Variants in MBOAT2 observed in about 807,000 individuals in gnomAD.
MBOAT2 encodes membrane bound glycerophospholipid O-acyltransferase 2, also known as membrane-bound glycerophospholipid O-acyltransferase 2.
A neutral mutation model predicts 63.4 loss-of-function variants in MBOAT2; 28 were observed. That is an observed-to-expected ratio of 0.44 (90% confidence interval 0.33 to 0.61). The LOEUF (loss-of-function observed/expected upper bound fraction) is 0.61, where lower values mean the gene tolerates loss of function less well. Among genes scored for constraint, MBOAT2 ranks in the 20% least tolerant of loss-of-function variants. The probability of loss-of-function intolerance (pLI) is 0.03; values close to 1 mark genes in which losing one functional copy is unlikely to be tolerated. For missense variants in MBOAT2, 470 were observed against 605.8 expected, an observed-to-expected ratio of 0.78 and a Z score of 2.35; for synonymous variants, 211 against 215.6, an observed-to-expected ratio of 0.98 and a Z score of 0.19.
intron 9 of MBOAT2, among the ~76,000 whole-genome samples, chr2:8,867,528 G>A (rs909597203): frequency 9.2e-5 from 14 of 152,136 alleles, no homozygotes; most frequent in African/African-American, 3.4e-4. Flanking sequence ...CACTAAGTCT[G>A]TGATTTGAAG....
At chr2:8,912,955 A>T (rs1298821112) in intron 3 of MBOAT2, among the ~76,000 whole-genome samples, 1 of 152,230 alleles carries the variant, frequency 6.6e-6, no homozygotes, top group Non-Finnish European at 1.5e-5. Flanking sequence ...CTATAAGGCC[A>T]TAGTCACAAA....
rs115812181 is a variant in MBOAT2, at chr2:8,955,813, A to C, written c.221+2684T>G. Among the ~76,000 whole-genome samples the C allele has an allele frequency of 2.8e-3, 434 of 152,318 alleles. 4 individuals carry two copies. The highest frequency in any genetic ancestry group is 0.01 in the African/African-American group (417 of 41,576). ...ACTTCATTGTTGCCTTATTTTTAGA[A>C]TTTGCCACAGCAACCCAAACCTTCA... On this transcript the variant is annotated intron_variant, in intron 2 of 12. Transcript: ENST00000305997.
Position 8,855,248 on chromosome 2 carries a change from T to C in MBOAT2, c.*3431A>G, listed in dbSNP as rs533022531. ...CTACAGACCTTGCTAATGGCTCCGT[T>C]CACGACACCCAACTGGTCCTGAACT... On this transcript the variant is annotated 3_prime_UTR_variant, in exon 13 of 13. Coordinates refer to ENST00000305997, the MANE Select transcript of MBOAT2 (RefSeq NM_138799.4). The C allele has an allele frequency of 5.9e-5, 9 of 152,208 alleles. No homozygotes were observed. Among genetic ancestry groups the C allele is most frequent in the Non-Finnish European group, 1.3e-4 (9 of 68,050 alleles). The allele number at this position is 152,208 out of a possible 1,614,324, so 9.4% of individuals were successfully genotyped here.
chr2:8,924,364 A>T (rs183397612), intron 3 of MBOAT2, among the ~76,000 whole-genome samples: 410 of 152,176 alleles, frequency 2.7e-3, no homozygotes, highest in African/African-American at 9.6e-3. Context: ...CTTCCTTCCT[A>T]AAGACCTGCA....
At chr2:8,932,545 A>T (rs1667395145) in intron 3 of MBOAT2, among the ~76,000 whole-genome samples, 1 of 152,208 alleles carries the variant, frequency 6.6e-6, no homozygotes, top group Non-Finnish European at 1.5e-5. Context: ...ACTTAAATAA[A>T]AAATTCTTTA....
At chr2:8,898,489 CA>C (rs1664654651) in intron 4 of MBOAT2, among the ~76,000 whole-genome samples, 1 of 152,208 alleles carries the variant, frequency 6.6e-6, no homozygotes, top group South Asian at 2.1e-4. Flanking sequence ...CTGCTGTAGG[CA>C]AAGCTGGGCC....
chr2:8,968,854 A>T (rs993426233), intron 1 of MBOAT2, among the ~76,000 whole-genome samples: 1 of 152,222 alleles, frequency 6.6e-6, no homozygotes, highest in Admixed American at 6.5e-5. Flanking sequence ...AAACGAAAAA[A>T]GCCTCCAAGA....
In MBOAT2 at chr2:8,994,813, T is replaced by C. The variant is rs146148518; in HGVS notation, c.75+8727A>G. Among the ~76,000 whole-genome samples, 921 of 152,312 alleles carry C rather than the reference T, an allele frequency of 6.0e-3. 34 individuals carry two copies. The highest frequency in any genetic ancestry group is 3.7e-3 in the East Asian group (19 of 5,182). ...AGGAGGCATAGGCTTTAGCTGACTA[T>C]TGAAAAATACGGATCTGCCAAGCCA... On this transcript the variant is annotated intron_variant, in intron 1 of 12. Transcript: ENST00000305997.
Position 8,862,202 on chromosome 2 carries a change from G to T in MBOAT2, c.1185+388C>A. 1 of 945,498 alleles carries T rather than the reference G, an allele frequency of 1.1e-6. No individual in the cohort carries two copies. Among genetic ancestry groups the T allele is most frequent in the Non-Finnish European group, 1.4e-6 (1 of 703,364 alleles). 58.6% of individuals were successfully genotyped at this position (945,498 alleles called of 1,614,324 possible). A position where few individuals can be genotyped will look rare whatever the true frequency, so the allele number is the denominator to read the frequency against. On this transcript the variant is annotated intron_variant, in intron 11 of 12. Transcript: ENST00000305997. This position sits in a 1 kb window ranked among gnomAD's most constrained non-coding sequence, Gnocchi z 4.3. The stretch of plus-strand genomic sequence containing the variant: ...TCATCCACTGTCTTGGCCTCGCACA[G>T]CCTAGTCTTCATCTGAGAGAGGACT...
At chr2:8,897,127 T>C (rs1664538645) in intron 4 of MBOAT2, among the ~76,000 whole-genome samples, 1 of 152,244 alleles carries the variant, frequency 6.6e-6, no homozygotes, top group East Asian at 1.9e-4. Context: ...ACTACTTCTC[T>C]CTTTGACTTC....
intron 4 of MBOAT2, among the ~76,000 whole-genome samples, chr2:8,900,418 T>C (rs907034521): frequency 2.6e-5 from 4 of 152,196 alleles, no homozygotes; most frequent in African/African-American, 9.7e-5. Flanking sequence ...CTAGACCCTG[T>C]AGGACATCTA....
intron 2 of MBOAT2, among the ~76,000 whole-genome samples, chr2:8,951,514 TC>T (rs772719203): frequency 8.5e-5 from 13 of 152,180 alleles, no homozygotes; most frequent in Non-Finnish European, 1.2e-4. Context: ...CACTAGCTCT[TC>T]TTAGCACATC....
At chr2:8,910,244 A>C (rs183681996) in intron 3 of MBOAT2, among the ~76,000 whole-genome samples, 60 of 152,036 alleles carry the variant, frequency 3.9e-4, no homozygotes, top group Non-Finnish European at 7.5e-4. Context: ...TGTAGGTCCT[A>C]ATCAAGGAAC....
intron 4 of MBOAT2, among the ~76,000 whole-genome samples, chr2:8,894,129 C>T (rs906821022): frequency 6.6e-6 from 1 of 152,124 alleles, no homozygotes; most frequent in African/African-American, 2.4e-5. Flanking sequence ...GAACCCGATA[C>T]GTGATATTCC....
At chr2:8,943,344 C>G in intron 2 of MBOAT2, 80 bp from the exon 3 acceptor site, 1 of 810,144 alleles carries the variant, frequency 1.2e-6, no homozygotes, top group Non-Finnish European at 1.9e-6. Context: ...CTAAAAAATA[C>G]TTATGCATAA....
chr2:9,001,869 G>A (rs1208918188), intron 1 of MBOAT2, among the ~76,000 whole-genome samples: 2 of 152,118 alleles, frequency 1.3e-5, no homozygotes, highest in Non-Finnish European at 2.9e-5. Flanking sequence ...AAGAAAGATG[G>A]GGGAGAGAAA....
At chr2:8,949,228 A>T (rs1219346933) in intron 2 of MBOAT2, among the ~76,000 whole-genome samples, 4 of 152,146 alleles carry the variant, frequency 2.6e-5, no homozygotes, top group African/African-American at 9.7e-5. Context: ...TAGATGCTGG[A>T]TATTAAACCT....
intron 3 of MBOAT2, among the ~76,000 whole-genome samples, chr2:8,938,145 T>C (rs142939224): frequency 6.6e-6 from 1 of 152,306 alleles, no homozygotes; most frequent in East Asian, 1.9e-4. Flanking sequence ...TATTTTTAAA[T>C]TGCATATACT....
chr2:8,894,717 G>C (rs934982846), intron 4 of MBOAT2, among the ~76,000 whole-genome samples: 1 of 152,264 alleles, frequency 6.6e-6, no homozygotes, highest in Admixed American at 6.5e-5. Flanking sequence ...CACGGTGACA[G>C]TTCTTAAAGA....
Sources: allele counts gnomAD v4.1 joint callset (sites outside exome capture counted in the v4.1 genomes callset), GRCh38; gene constraint gnomAD v4.1.1; non-coding constraint Gnocchi (gnomAD v3.1); transcripts MANE v1.5; gene names NCBI Gene and HGNC (gene_info 2026-07-23, HGNC 2026-07-21).